Variants in ATP6V1H observed in about 807,000 individuals in gnomAD.
ATP6V1H encodes the protein ATPase H+ transporting V1 subunit H.
A neutral mutation model predicts 71.7 loss-of-function variants in ATP6V1H; 39 were observed. That is an observed-to-expected ratio of 0.54 (90% CI 0.42 to 0.71). The LOEUF is 0.71. ATP6V1H is among the 30% of genes least tolerant of loss of function. The pLI is 0.00. For synonymous variants in ATP6V1H, 192 were observed against 199.3 expected, an observed-to-expected ratio of 0.96 and a Z score of 0.31; for missense variants, 509 against 594.9, an observed-to-expected ratio of 0.86 and a Z score of 1.50.
At chr8:53,803,107 C>T (rs1035090432) in intron 7 of ATP6V1H, among the ~76,000 whole-genome samples, 4 of 152,142 alleles carry the variant, frequency 2.6e-5, no homozygotes, top group Non-Finnish European at 4.4e-5. Context: ...GAGGCCAAGG[C>T]GGGTGGATCA....
chr8:53,815,755 T>C (rs1810428880), intron 5 of ATP6V1H, among the ~76,000 whole-genome samples: 1 of 152,312 alleles, frequency 6.6e-6, no homozygotes, highest in South Asian at 2.1e-4. Context: ...AAAAGATTAC[T>C]GTTAGGAGGC....
At chr8:53,729,786 G>A (rs1040855967) in intron 13 of ATP6V1H, among the ~76,000 whole-genome samples, 1 of 152,204 alleles carries the variant, frequency 6.6e-6, no homozygotes, top group Non-Finnish European at 1.5e-5. Context: ...AAGTCCAGCC[G>A]CAGCTCTGTG....
Position 53,757,806 on chromosome 8 carries a change from C to T in ATP6V1H, c.1176-1150G>A, listed in dbSNP as rs545301595. ...TCTCCTCTCCTACTCCACTGTTCTT[C>T]ATAGTACTAATCACCACCTGCCATT... On this transcript the variant is annotated intron_variant, in intron 11 of 13. Transcript: ENST00000359530. 2.7e-4 allele frequency among the ~76,000 whole-genome samples: 41 copies of T among 152,310 alleles called. 1 individual carries two copies. Among genetic ancestry groups the T allele is most frequent in the South Asian group, 8.3e-4 (4 of 4,822 alleles).
At chr8:53,805,074 T>C (rs1413404656) in intron 7 of ATP6V1H, among the ~76,000 whole-genome samples, 4 of 152,224 alleles carry the variant, frequency 2.6e-5, no homozygotes, top group South Asian at 2.1e-4. Context: ...ACATCAATGA[T>C]ACTGTATGTA....
intron 13 of ATP6V1H, among the ~76,000 whole-genome samples, chr8:53,731,123 A>C (rs6473887): frequency 6.6e-6 from 1 of 152,120 alleles, no homozygotes; most frequent in South Asian, 2.1e-4. Flanking sequence ...CTCCCGACAC[A>C]CAGCAGGCTC....
chr8:53,742,264 A>G (rs1807439473), intron 13 of ATP6V1H, among the ~76,000 whole-genome samples: 1 of 152,174 alleles, frequency 6.6e-6, no homozygotes, highest in African/African-American at 2.4e-5. Context: ...GCATTACAGG[A>G]TATTACCAGC....
chr8:53,838,298 T>C (rs1811228736), intron 2 of ATP6V1H, among the ~76,000 whole-genome samples: 1 of 151,984 alleles, frequency 6.6e-6, no homozygotes, highest in Non-Finnish European at 1.5e-5. Flanking sequence ...GCTAATTTTT[T>C]AGTAGAGATG....
chr8:53,802,699 G>A lies in ATP6V1H; in HGVS notation c.580-803C>T, dbSNP rs532557466. On this transcript the variant is annotated intron_variant, in intron 7 of 13. Coordinates refer to ENST00000359530, the MANE Select transcript of ATP6V1H (RefSeq NM_015941.4). ...CACACCACTGCACTCCAGCCTGGAC[G>A]ACAGAGTGAGACTCTGTCTCAAAAA... 5.3e-5 allele frequency among the ~76,000 whole-genome samples: 8 copies of A among 152,154 alleles called. No homozygotes were observed. In the East Asian group the frequency reaches 9.7e-4, roughly 18 times the overall value.
chr8:53,755,194 T>C (rs997002612), intron 12 of ATP6V1H, among the ~76,000 whole-genome samples: 5 of 152,106 alleles, frequency 3.3e-5, no homozygotes, highest in African/African-American at 1.2e-4. Context: ...GAAACAAAGA[T>C]CATTGATGTC....
rs910776573 is a variant in ATP6V1H at position 53,795,571 on chromosome 8, C to T, written c.870+76G>A. 11 of 1,347,182 alleles carry T rather than the reference C, an allele frequency of 8.2e-6. No individual in the cohort carries two copies. The African/African-American group carries it at 1.5e-4, about 18-fold the overall frequency. The allele number at this position is 1,347,182 out of a possible 1,614,324, so 83.5% of individuals were successfully genotyped here. On this transcript the variant is annotated intron_variant, in intron 9 of 13. Coordinates refer to ENST00000359530, the MANE Select transcript of ATP6V1H (RefSeq NM_015941.4). ...CACAAGAAGAACAAGTAATTTTTTC[C>T]CGCCTGCTAAAAACTCAAATATACT...
rs7835987 is a variant in ATP6V1H at position 53,715,940 on chromosome 8, C to T, written c.*24G>A. 39 of 1,603,848 alleles carry T rather than the reference C, an allele frequency of 2.4e-5. No individual in the cohort carries two copies. The highest frequency in any genetic ancestry group is 2.7e-5 in the Non-Finnish European group (32 of 1,175,160). ...TCCCACTACTGGTTCTGCATTGAGG[C>T]GGAGGGGAAGGCCAGAGGCAGGCTT... On this transcript the variant is annotated 3_prime_UTR_variant, in exon 14 of 14. Coordinates refer to ENST00000359530, the MANE Select transcript of ATP6V1H (RefSeq NM_015941.4).
intron 13 of ATP6V1H, among the ~76,000 whole-genome samples, chr8:53,724,007 A>C (rs933267943): frequency 6.6e-6 from 1 of 152,358 alleles, no homozygotes; most frequent in African/African-American, 2.4e-5. Flanking sequence ...TGCAATCTAC[A>C]ATTTACTATT....
At position 53,814,812 on chromosome 8, in the gene ATP6V1H, A is replaced by AATCAC. The variant is rs1389249972; in HGVS notation, c.421-51_421-47dup. On this transcript the variant is annotated intron_variant, in intron 5 of 13. Transcript: ENST00000359530. ...CATTTAACGCAACATTAATTCTAAA[A>AATCAC]ATCACATCATATACCTTAAAAAAAG... The AATCAC allele has an allele frequency of 3.0e-6, 4 of 1,340,284 alleles. No individual in the cohort carries two copies. The East Asian group carries it at 9.2e-5, about 31-fold the overall frequency. 83.0% of individuals were successfully genotyped at this position (1,340,284 alleles called of 1,614,324 possible). A position where few individuals can be genotyped will look rare whatever the true frequency, so the allele number is the denominator to read the frequency against.
At chr8:53,836,986 C>A (rs920538610) in intron 2 of ATP6V1H, among the ~76,000 whole-genome samples, 1 of 151,898 alleles carries the variant, frequency 6.6e-6, no homozygotes, top group African/African-American at 2.4e-5. Flanking sequence ...ACTAAAAATA[C>A]AAAAATTAGC....
intron 13 of ATP6V1H, among the ~76,000 whole-genome samples, chr8:53,724,332 T>C (rs55682919): frequency 0.12 from 18,501 of 152,148 alleles, 1,756 homozygotes; most frequent in East Asian, 0.41. Flanking sequence ...CAGATGAGTA[T>C]AGATTTATAA....
At chr8:53,758,228 CTT>C (rs1372834919) in intron 11 of ATP6V1H, among the ~76,000 whole-genome samples, 4 of 151,334 alleles carry the variant, frequency 2.6e-5, no homozygotes, top group African/African-American at 7.4e-5. Context: ...AAAATTACTT[CTT>C]TGTTTTTATT....
intron 11 of ATP6V1H, among the ~76,000 whole-genome samples, chr8:53,768,613 TGAA>T (rs1808546999): frequency 6.6e-6 from 1 of 152,064 alleles, no homozygotes; most frequent in Non-Finnish European, 1.5e-5. Flanking sequence ...TAAAAAGGAA[TGAA>T]GTAGTGATAA....
intron 13 of ATP6V1H, among the ~76,000 whole-genome samples, chr8:53,738,970 A>G (rs1298277821): frequency 6.6e-6 from 1 of 152,186 alleles, no homozygotes; most frequent in Non-Finnish European, 1.5e-5. Context: ...TGTTTTTTTC[A>G]AATACAGAAA....
At chr8:53,767,495 A>G (rs1808509808) in intron 11 of ATP6V1H, among the ~76,000 whole-genome samples, 1 of 152,258 alleles carries the variant, frequency 6.6e-6, no homozygotes, top group Non-Finnish European at 1.5e-5. Flanking sequence ...TCTACCAATT[A>G]GAGACTCATT....
Sources: gnomAD v4.1 joint callset for allele counts (sites outside exome capture counted in the v4.1 genomes callset) on GRCh38, gnomAD v4.1.1 for gene constraint, MANE v1.5 for transcripts, NCBI Gene and HGNC (gene_info 2026-07-23, HGNC 2026-07-21) for gene names.